MAST4: variants seen among roughly 807,000 people sequenced by gnomAD.
MAST4 encodes the protein microtubule-associated serine/threonine-protein kinase 4.
A neutral mutation model predicts 162.7 loss-of-function variants in MAST4; 89 were observed. The observed-to-expected ratio is 0.55, with a 90% CI of 0.46 to 0.65. The LOEUF is 0.65. Among genes scored for constraint, MAST4 ranks in the 30% least tolerant of loss-of-function variants. The pLI, the probability that MAST4 is intolerant of heterozygous loss-of-function variation, is 0.00. For synonymous variants in MAST4, 1,479 were observed against 1,361.1 expected, an observed-to-expected ratio of 1.09 and a Z score of -1.91; for missense variants, 3,153 against 3,374.0, an observed-to-expected ratio of 0.93 and a Z score of 1.62.
chr5:66,975,421 C>G (rs1748016919), intron 4 of MAST4, among the ~76,000 whole-genome samples: 1 of 152,062 alleles, frequency 6.6e-6, no homozygotes, highest in African/African-American at 2.4e-5. Context: ...AAGAAGGAGC[C>G]CAGGAGTAAG....
In MAST4 at chr5:67,090,247, G is replaced by T; in HGVS notation, c.833+16G>T. 1 of 1,598,904 alleles carries T rather than the reference G, an allele frequency of 6.3e-7. No homozygotes were observed. Among genetic ancestry groups the T allele is most frequent in the South Asian group, 1.1e-5 (1 of 90,170 alleles). On this transcript the variant is annotated intron_variant, in intron 6 of 28. Transcript: ENST00000403625. The stretch of plus-strand genomic sequence containing the variant: ...TTGCACGGAGGTAAGGACTTTTTGT[G>T]AGTGGAGGCATAAGGTCTTATAGAG...
intron 3 of MAST4, among the ~76,000 whole-genome samples, chr5:66,823,521 G>A (rs914092160): frequency 7.9e-5 from 12 of 151,892 alleles, no homozygotes; most frequent in African/African-American, 2.9e-4. Flanking sequence ...TGTGTTGCTC[G>A]GGCAGGAGTG....
chr5:66,788,605 C>A, intron 2 of MAST4, 65 bp from the exon 3 acceptor site: 2 of 1,344,524 alleles, frequency 1.5e-6, no homozygotes, highest in Non-Finnish European at 2.1e-6. Context: ...CACCCCCACC[C>A]CCATTGCAAT....
In MAST4 at chr5:66,861,256, A is replaced by G. The variant is rs111649126; in HGVS notation, c.643-38695A>G. ...TAAAAAATGCTTAAAATCCCTGTGA[A>G]ATCAATTATGAGGAGTTTGTAACTG... On this transcript the variant is annotated intron_variant, in intron 3 of 28. Coordinates refer to ENST00000403625, the MANE Select transcript of MAST4 (RefSeq NM_001164664.2). 4.3e-4 allele frequency among the ~76,000 whole-genome samples: 66 copies of G among 152,250 alleles called. 1 individual carries two copies. Among genetic ancestry groups the G allele is most frequent in the African/African-American group, 1.5e-3 (62 of 41,570 alleles).
At chr5:66,646,290 C>G (rs923988193) in intron 1 of MAST4, among the ~76,000 whole-genome samples, 5 of 151,956 alleles carry the variant, frequency 3.3e-5, no homozygotes, top group Non-Finnish European at 5.9e-5. Context: ...GTTTTTAGAG[C>G]CCAACATTTA....
At position 66,986,703 on chromosome 5, in the gene MAST4, C is replaced by A. The variant is rs1325297492; in HGVS notation, c.675-67701C>A. Among the ~76,000 whole-genome samples, 13 of 151,640 alleles carry A rather than the reference C, an allele frequency of 8.6e-5. No homozygotes were observed. The East Asian group carries it at 2.5e-3, about 29-fold the overall frequency. On this transcript the variant is annotated intron_variant, in intron 4 of 28. Coordinates refer to ENST00000403625, the MANE Select transcript of MAST4 (RefSeq NM_001164664.2). The stretch of plus-strand genomic sequence containing the variant: ...TAACACGATCATAGCTCACTGCAGC[C>A]TCAAGCTCCTGGGTTCAGTTGATCC...
rs1378730426 is a variant in MAST4 at position 67,078,950 on chromosome 5, ATG to A, written c.764-11211_764-11210del. 9.0e-3 allele frequency among the ~76,000 whole-genome samples: 890 copies of A among 98,382 alleles called. 37 individuals carry two copies. Among genetic ancestry groups the A allele is most frequent in the African/African-American group, 0.045 (835 of 18,670 alleles). 64.5% of individuals were successfully genotyped at this position (98,382 alleles called of 152,430 possible). ...TATATATATATATATATATATATAT[ATG>A]GCAATCTGATGTTATCTGTCAAATT... On this transcript the variant is annotated intron_variant, in intron 5 of 28. Coordinates refer to ENST00000403625, the MANE Select transcript of MAST4 (RefSeq NM_001164664.2).
chr5:66,709,392 T>G lies in MAST4; in HGVS notation c.364-50317T>G, dbSNP rs1345490944. 2.0e-5 allele frequency among the ~76,000 whole-genome samples: 3 copies of G among 152,184 alleles called. No individual in the cohort carries two copies. The East Asian group carries it at 5.8e-4, about 29-fold the overall frequency. On this transcript the variant is annotated intron_variant, in intron 1 of 28. Transcript: ENST00000403625. ...GTGCAGAGGTGCAATCATAGCTTAC[T>G]GTAACCTCAAACTTCAGGGCTCAAG...
chr5:66,984,434 G>A (rs1749233643), intron 4 of MAST4, among the ~76,000 whole-genome samples: 1 of 152,196 alleles, frequency 6.6e-6, no homozygotes, highest in South Asian at 2.1e-4. Context: ...CTTTAAGCAG[G>A]ATGGAAAGAA....
At chr5:66,677,798 T>C (rs1049726358) in intron 1 of MAST4, among the ~76,000 whole-genome samples, 12 of 152,080 alleles carry the variant, frequency 7.9e-5, no homozygotes, top group Non-Finnish European at 1.6e-4. Flanking sequence ...TGCAGAGGTT[T>C]GGAGGAGGAG....
At chr5:67,016,247 T>G (rs1414268104) in intron 4 of MAST4, among the ~76,000 whole-genome samples, 2 of 152,114 alleles carry the variant, frequency 1.3e-5, no homozygotes, top group Non-Finnish European at 2.9e-5. Context: ...ATTATACAGA[T>G]GAAAAAATTG....
chr5:66,929,465 C>A (rs1432490725), intron 4 of MAST4, among the ~76,000 whole-genome samples: 9 of 152,174 alleles, frequency 5.9e-5, no homozygotes, highest in Admixed American at 5.9e-4. Context: ...CAAAGACACA[C>A]TCAGAAATAA....
chr5:66,650,310 G>A (rs1056181792), intron 1 of MAST4, among the ~76,000 whole-genome samples: 3 of 152,088 alleles, frequency 2.0e-5, no homozygotes, highest in South Asian at 4.2e-4. Flanking sequence ...AGACTACTAG[G>A]AAGCATTTCT....
intron 1 of MAST4, among the ~76,000 whole-genome samples, chr5:66,720,820 C>T (rs1751155291): frequency 6.6e-6 from 1 of 152,044 alleles, no homozygotes; most frequent in Non-Finnish European, 1.5e-5. Flanking sequence ...GACTTTTTCT[C>T]ATTTTCTCTG....
rs377283422 is a variant in MAST4 at position 67,163,325 on chromosome 5, G to A, written c.4146G>A (p.Thr1382=). Residue 1382 remains threonine, a synonymous_variant, in exon 29 of 29, where the codon ACG becomes ACA. Coordinates refer to ENST00000403625, the MANE Select transcript of MAST4 (RefSeq NM_001164664.2). This position sits in a 1 kb window ranked among gnomAD's most constrained non-coding sequence, Gnocchi z 7.0. ...GNIPLSPLAR[T]PSPTPQPTSP... Reference sequence around the variant, plus strand: ...TCCCACTGTCCCCGCTGGCCCGGACGCCCTCTCCAACCCCGCAACCCACCT... The same window carrying A: ...TCCCACTGTCCCCGCTGGCCCGGACACCCTCTCCAACCCCGCAACCCACCT... 6.2e-7 allele frequency: 1 copy of A among 1,612,632 alleles called. No homozygotes were observed. The highest frequency in any genetic ancestry group is 1.7e-5 in the Admixed American group (1 of 59,988).
chr5:66,685,066 A>G (rs951211955), intron 1 of MAST4, among the ~76,000 whole-genome samples: 3 of 152,150 alleles, frequency 2.0e-5, no homozygotes, highest in African/African-American at 7.2e-5. Flanking sequence ...GTTCAAGACC[A>G]GCCTGGGCAA....
chr5:67,023,791 T>C (rs1754280569), intron 4 of MAST4, among the ~76,000 whole-genome samples: 1 of 152,084 alleles, frequency 6.6e-6, no homozygotes, highest in Non-Finnish European at 1.5e-5. Flanking sequence ...GTAGGATAAA[T>C]ATACCTCCTT....
At chr5:66,850,105 C>T (rs1322764997) in intron 3 of MAST4, among the ~76,000 whole-genome samples, 1 of 152,166 alleles carries the variant, frequency 6.6e-6, no homozygotes, top group Non-Finnish European at 1.5e-5. Context: ...TTTATTGCCT[C>T]TGTAACTCCT....
At chr5:67,143,130 T>C (rs1409693166) in intron 21 of MAST4, 1 of 152,088 alleles carries the variant, frequency 6.6e-6, no homozygotes, top group African/African-American at 2.4e-5. Context: ...GATTGTAAAG[T>C]CTCATAACTG....
Sources: allele counts gnomAD v4.1 joint callset (sites outside exome capture counted in the v4.1 genomes callset), GRCh38; gene constraint gnomAD v4.1.1; non-coding constraint Gnocchi (gnomAD v3.1); transcripts MANE v1.5; gene names NCBI Gene and HGNC (gene_info 2026-07-23, HGNC 2026-07-21).